The following KCNJ3 variants were observed in gnomAD, a reference collection of about 807,000 sequenced individuals.
KCNJ3 encodes G protein-activated inward rectifier potassium channel 1.
Under a neutral mutation model 39.2 loss-of-function variants are expected in KCNJ3, and 4 were observed. The ratio of observed to expected loss-of-function variants is 0.10; its 90% CI spans 0.05 to 0.23. The LOEUF (loss-of-function observed/expected upper bound fraction) is 0.23. Ranked by LOEUF, KCNJ3 falls within the 10% of genes least tolerant of loss-of-function variation. The pLI is 1.00. For missense variants in KCNJ3, 276 were observed against 634.9 expected, an observed-to-expected ratio of 0.43 and a Z score of 6.08; for synonymous variants, 230 against 237.4, an observed-to-expected ratio of 0.97 and a Z score of 0.29.
intron 2 of KCNJ3, among the ~76,000 whole-genome samples, chr2:154,813,713 A>G (rs1303433520): frequency 1.3e-5 from 2 of 152,208 alleles, no homozygotes; most frequent in African/African-American, 4.8e-5. Context: ...CAAATTTCAT[A>G]TCTAGAGATC....
chr2:154,755,249 C>G (rs566114615), intron 2 of KCNJ3, among the ~76,000 whole-genome samples: 30 of 151,898 alleles, frequency 2.0e-4, no homozygotes, highest in Non-Finnish European at 3.8e-4. Flanking sequence ...TATTACCATT[C>G]TTTTGTTCTT....
chr2:154,828,743 C>T lies in KCNJ3; in HGVS notation c.920-25984C>T, dbSNP rs563515410. ...CTCTTTTAAACTAATTATCTCTTCT[C>T]TCCATGCCTTTGGGTATGTAAAGTC... On this transcript the variant is annotated intron_variant, in intron 2 of 2. Coordinates refer to ENST00000295101, the MANE Select transcript of KCNJ3 (RefSeq NM_002239.4). 1.8e-3 allele frequency among the ~76,000 whole-genome samples: 279 copies of T among 152,240 alleles called. 2 individuals are homozygous for T. Among genetic ancestry groups the T allele is most frequent in the Middle Eastern group, 3.4e-3 (1 of 294 alleles).
intron 2 of KCNJ3, among the ~76,000 whole-genome samples, chr2:154,726,791 A>G (rs552079706): frequency 0.017 from 1,958 of 116,086 alleles, 152 homozygotes; most frequent in Admixed American, 0.17. Context: ...TACATTTTAT[A>G]TACATACACA....
At chr2:154,777,603 T>C (rs1427093225) in intron 2 of KCNJ3, among the ~76,000 whole-genome samples, 1 of 152,242 alleles carries the variant, frequency 6.6e-6, no homozygotes, top group Non-Finnish European at 1.5e-5. Context: ...GAAGTGGTAT[T>C]ATTATTAGTT....
At position 154,854,811 on chromosome 2, in the gene KCNJ3, A is replaced by C; in HGVS notation, c.1004A>C (p.Glu335Ala). 1.9e-6 allele frequency: 3 copies of C among 1,613,948 alleles called. No individual in the cohort carries two copies. Among genetic ancestry groups the C allele is most frequent in the Non-Finnish European group, 2.5e-6 (3 of 1,179,906 alleles). The change falls in exon 3 of 3, where the codon GAG becomes GCG. Residue 335 changes from glutamate to alanine, a missense_variant. Physicochemically the swap from Glu to Ala is moderately radical, Grantham distance 107. Coordinates refer to ENST00000295101, the MANE Select transcript of KCNJ3 (RefSeq NM_002239.4). ...HRFFPVISLE[E>A]GFFKVDYSQF... ...TTTTTTCCTGTAATTTCCTTAGAAGAGGGATTCTTTAAAGTTGATTACTCC... is the reference window on the plus strand; with the variant it reads ...TTTTTTCCTGTAATTTCCTTAGAAGCGGGATTCTTTAAAGTTGATTACTCC...
chr2:154,764,407 T>C (rs1686097155), intron 2 of KCNJ3, among the ~76,000 whole-genome samples: 1 of 152,172 alleles, frequency 6.6e-6, no homozygotes, highest in Non-Finnish European at 1.5e-5. Flanking sequence ...CAACTTGCCT[T>C]CCATCCTGTA....
intron 2 of KCNJ3, among the ~76,000 whole-genome samples, chr2:154,718,343 ATTTTCTTTTGATAGGTAATTGTAGAAATT>A (rs1399387572): frequency 1.3e-5 from 2 of 152,098 alleles, no homozygotes; most frequent in African/African-American, 4.8e-5. Flanking sequence ...CTACTTTACT[ATTTTCTTTTGATAGGTAATTGTAGAAATT>A]TTCTGCAGAC....
At chr2:154,709,086 T>C (rs1367111943) in intron 1 of KCNJ3, among the ~76,000 whole-genome samples, 1 of 152,220 alleles carries the variant, frequency 6.6e-6, no homozygotes, top group Non-Finnish European at 1.5e-5. Context: ...TTCCATTTTA[T>C]ATGTGTTTGT....
At chr2:154,748,500 G>C (rs772180989) in intron 2 of KCNJ3, among the ~76,000 whole-genome samples, 1 of 152,044 alleles carries the variant, frequency 6.6e-6, no homozygotes, top group Non-Finnish European at 1.5e-5. Flanking sequence ...CATCTAGTGA[G>C]AGCAAGTGAG....
chr2:154,839,964 G>T lies in KCNJ3; in HGVS notation c.920-14763G>T, dbSNP rs140542025. 2.6e-3 allele frequency among the ~76,000 whole-genome samples: 402 copies of T among 152,088 alleles called. 2 individuals carry two copies. The highest frequency in any genetic ancestry group is 9.0e-3 in the African/African-American group (374 of 41,504). ...AATTAGATCCCATTTGTCAATTTTG[G>T]CTTTTGTTGCCATTGCTTTTGGTGT... On this transcript the variant is annotated intron_variant, in intron 2 of 2. Transcript: ENST00000295101.
intron 2 of KCNJ3, among the ~76,000 whole-genome samples, chr2:154,752,184 T>C (rs1685857911): frequency 6.6e-6 from 1 of 152,056 alleles, no homozygotes; most frequent in Non-Finnish European, 1.5e-5. Flanking sequence ...CTTGAATATA[T>C]AAACATTTTG....
intron 2 of KCNJ3, among the ~76,000 whole-genome samples, chr2:154,808,512 T>C (rs2105099435): frequency 6.6e-6 from 1 of 152,272 alleles, no homozygotes; most frequent in African/African-American, 2.4e-5. Context: ...CTGAGAACAA[T>C]AACAACCCAA....
intron 2 of KCNJ3, among the ~76,000 whole-genome samples, chr2:154,835,717 C>T (rs1353899306): frequency 2.0e-5 from 3 of 151,810 alleles, no homozygotes; most frequent in Middle Eastern, 3.2e-3. Context: ...CTTGTTTAGA[C>T]GTTAGCTATG....
chr2:154,826,405 T>C (rs188461560), intron 2 of KCNJ3, among the ~76,000 whole-genome samples: 1 of 152,318 alleles, frequency 6.6e-6, no homozygotes, highest in East Asian at 1.9e-4. Context: ...TTCAGACCCT[T>C]ATGTTGTTTT....
Position 154,698,762 on chromosome 2 carries a change from C to G in KCNJ3, c.-14C>G. The G allele has an allele frequency of 6.6e-7, 1 of 1,523,494 alleles. No homozygotes were observed. The highest frequency in any genetic ancestry group is 9.0e-7 in the Non-Finnish European group (1 of 1,115,074). The allele number at this position is 1,523,494 out of a possible 1,614,324, so 94.4% of individuals were successfully genotyped here. On this transcript the variant is annotated 5_prime_UTR_variant, in exon 1 of 3. Transcript: ENST00000295101. ...CTTCGCTTCGCGTTTGAATCTGGCTCGCCCCTTCGTATTATGTCTGCACTC... is the reference window on the plus strand; with the variant it reads ...CTTCGCTTCGCGTTTGAATCTGGCTGGCCCCTTCGTATTATGTCTGCACTC...
chr2:154,828,422 G>A lies in KCNJ3; in HGVS notation c.920-26305G>A, dbSNP rs907482252. 4.6e-5 allele frequency among the ~76,000 whole-genome samples: 7 copies of A among 152,314 alleles called. No individual in the cohort carries two copies. In the South Asian group the frequency reaches 1.4e-3, roughly 32 times the overall value. ...TTCCCATGTTCTGGGAGTGGGGAAG[G>A]TTGAGTTAGAAGCATCAGTATGATC... On this transcript the variant is annotated intron_variant, in intron 2 of 2. Transcript: ENST00000295101.
intron 2 of KCNJ3, among the ~76,000 whole-genome samples, chr2:154,734,252 T>C (rs190420820): frequency 1.4e-3 from 216 of 152,304 alleles, no homozygotes; most frequent in African/African-American, 4.9e-3. Flanking sequence ...AAGGACGCCT[T>C]AGTTTGTCAT....
intron 2 of KCNJ3, among the ~76,000 whole-genome samples, chr2:154,854,503 T>C (rs1422768736): frequency 2.0e-5 from 3 of 152,168 alleles, no homozygotes; most frequent in Non-Finnish European, 4.4e-5. Context: ...TGCATTATCC[T>C]TCAAACATGA....
At chr2:154,808,844 G>T (rs1686960859) in intron 2 of KCNJ3, among the ~76,000 whole-genome samples, 1 of 152,082 alleles carries the variant, frequency 6.6e-6, no homozygotes, top group Non-Finnish European at 1.5e-5. Context: ...AGGAGGTGGG[G>T]TCATGAATCT....
Sources: allele counts gnomAD v4.1 joint callset (sites outside exome capture counted in the v4.1 genomes callset), GRCh38; gene constraint gnomAD v4.1.1; transcripts MANE v1.5; gene names NCBI Gene and HGNC (gene_info 2026-07-23, HGNC 2026-07-21).